Variants in ADGRL2 observed in about 807,000 individuals in gnomAD.
The protein encoded by ADGRL2 is adhesion G protein-coupled receptor L2.
ADGRL2 carries 44 observed loss-of-function variants against 157.4 expected under a neutral mutation model. The ratio of observed to expected loss-of-function variants is 0.28; its 90% CI spans 0.22 to 0.36. ADGRL2 has a LOEUF of 0.36. Ranked by LOEUF, ADGRL2 falls within the 10% of genes least tolerant of loss-of-function variation. The pLI, the probability that ADGRL2 is intolerant of heterozygous loss-of-function variation, is 1.00. For synonymous variants in ADGRL2, 585 were observed against 624.7 expected (o/e 0.94, Z 0.95); for missense variants, 1,510 against 1,768.9 (o/e 0.85, Z 2.63).
At position 81,737,341 on chromosome 1, in the gene ADGRL2, G is replaced by A. The variant is rs190921653; in HGVS notation, c.-142-24470G>A. ...GCAGAAGGGTGAAGAGGAAGCAGGCGTGTCTTCACATGGTGGCAGGAGAAA... is the reference window on the plus strand; with the variant it reads ...GCAGAAGGGTGAAGAGGAAGCAGGCATGTCTTCACATGGTGGCAGGAGAAA... On this transcript the variant is annotated intron_variant, in intron 1 of 20. Transcript: ENST00000359929. 7.2e-3 allele frequency among the ~76,000 whole-genome samples: 1,099 copies of A among 152,322 alleles called. 13 individuals are homozygous for A. Among genetic ancestry groups the A allele is most frequent in the African/African-American group, 0.025 (1,047 of 41,572 alleles).
intron 1 of ADGRL2, among the ~76,000 whole-genome samples, chr1:81,804,602 C>T (rs2088831609): frequency 6.6e-6 from 1 of 152,198 alleles, no homozygotes; most frequent in Non-Finnish European, 1.5e-5. Flanking sequence ...AAAACATTGT[C>T]TATTGCTGTG....
In ADGRL2 at chr1:81,542,921, A is replaced by G. The variant is rs540260011; in HGVS notation, c.-247-37955A>G. ...TCTATGGGAAACTGGTGTCTTTGGA[A>G]ATCTTAACAGATGTCTGCCAACAAC... is the stretch of plus-strand genomic sequence containing the variant. On this transcript the variant is annotated intron_variant, in intron 2 of 24. Coordinates refer to the ADGRL2 transcript ENST00000370721. 6.8e-4 allele frequency among the ~76,000 whole-genome samples: 104 copies of G among 152,236 alleles called. 1 individual carries two copies. Among genetic ancestry groups the G allele is most frequent in the South Asian group, 1.2e-3 (6 of 4,826 alleles).
intron 2 of ADGRL2, among the ~76,000 whole-genome samples, chr1:81,446,566 A>C (rs1041468970): frequency 2.6e-5 from 4 of 152,306 alleles, no homozygotes; most frequent in African/African-American, 9.6e-5. Context: ...TAGCAAAAAC[A>C]TATTTCTCAA....
intron 3 of ADGRL2, among the ~76,000 whole-genome samples, chr1:81,594,629 C>T (rs1055525176): frequency 3.9e-5 from 6 of 152,104 alleles, no homozygotes; most frequent in African/African-American, 7.2e-5. Flanking sequence ...CAAATCACAA[C>T]GTAGTTAGAA....
At chr1:81,582,811 T>G (rs996474968) in intron 3 of ADGRL2, among the ~76,000 whole-genome samples, 1 of 152,166 alleles carries the variant, frequency 6.6e-6, no homozygotes, top group Admixed American at 6.6e-5. Context: ...ATAGTGTGCT[T>G]TCAAAGACAC....
At chr1:81,634,712 G>T (rs1167892908) in intron 3 of ADGRL2, among the ~76,000 whole-genome samples, 1 of 151,760 alleles carries the variant, frequency 6.6e-6, no homozygotes, top group African/African-American at 2.4e-5. Context: ...TAGTAGAGAC[G>T]GGGTTTCACC....
chr1:81,635,056 A>C (rs1164623290), intron 3 of ADGRL2, among the ~76,000 whole-genome samples: 1 of 152,168 alleles, frequency 6.6e-6, no homozygotes, highest in Non-Finnish European at 1.5e-5. Context: ...GAGATAGGGG[A>C]GAAGGCAGAT....
intron 1 of ADGRL2, among the ~76,000 whole-genome samples, chr1:81,402,948 A>G (rs574918197): frequency 3.9e-5 from 6 of 152,218 alleles, no homozygotes; most frequent in Non-Finnish European, 5.9e-5. Flanking sequence ...GAATAAGCAA[A>G]CTACATATAA....
intron 1 of ADGRL2, among the ~76,000 whole-genome samples, chr1:81,412,001 C>G (rs2076954297): frequency 6.6e-6 from 1 of 151,920 alleles, no homozygotes; most frequent in African/African-American, 2.4e-5. Flanking sequence ...TCAGTAAGAT[C>G]ATTTTAACCA....
chr1:81,807,673 A>G (rs1301339680), intron 1 of ADGRL2, among the ~76,000 whole-genome samples: 1 of 151,900 alleles, frequency 6.6e-6, no homozygotes, highest in African/African-American at 2.4e-5. Context: ...GGGTCTGTCA[A>G]CCCTAAATTT....
chr1:81,769,585 A>G (rs1333189445), intron 2 of ADGRL2, among the ~76,000 whole-genome samples: 4 of 151,430 alleles, frequency 2.6e-5, no homozygotes, highest in Non-Finnish European at 5.9e-5. Flanking sequence ...CTAAATTATT[A>G]TAATTATATA....
rs965623053 is a variant in ADGRL2 at position 81,394,126 on chromosome 1, C to T, written c.-301-50910C>T. Among the ~76,000 whole-genome samples the T allele has an allele frequency of 9.9e-5, 15 of 152,068 alleles. No homozygotes were observed. In the East Asian group the frequency reaches 2.9e-3, roughly 29 times the overall value. On this transcript the variant is annotated intron_variant, in intron 1 of 24. Transcript: ENST00000370721. ...AGTTTGAGTAGCTCTACACTTTCTC[C>T]TATCAAAAATAATGGGTGCCATAGA...
At chr1:81,340,422 C>T (rs1016087819) in intron 1 of ADGRL2, among the ~76,000 whole-genome samples, 6 of 152,022 alleles carry the variant, frequency 3.9e-5, no homozygotes, top group African/African-American at 7.2e-5. Flanking sequence ...TCAGTGCTTC[C>T]GGTACAGAAG....
intron 1 of ADGRL2, among the ~76,000 whole-genome samples, chr1:81,826,565 T>C (rs1342131): frequency 0.4 from 60,658 of 151,978 alleles, 12,621 homozygotes; most frequent in Middle Eastern, 0.6. Flanking sequence ...CAGAGAAGTA[T>C]TAACTGTGCT....
intron 3 of ADGRL2, among the ~76,000 whole-genome samples, chr1:81,694,494 G>A (rs906650442): frequency 6.6e-6 from 1 of 151,640 alleles, no homozygotes; most frequent in African/African-American, 2.4e-5. Context: ...TCTAGTATAA[G>A]CCCGTACACT....
chr1:81,704,235 A>G (rs890030780), intron 1 of ADGRL2, among the ~76,000 whole-genome samples: 2 of 152,232 alleles, frequency 1.3e-5, no homozygotes, highest in African/African-American at 4.8e-5. Context: ...CTTGGCAAAA[A>G]GAGAAGGCCC....
At chr1:81,633,512 C>G (rs1181892760) in intron 3 of ADGRL2, among the ~76,000 whole-genome samples, 2 of 142,308 alleles carry the variant, frequency 1.4e-5, no homozygotes, top group African/African-American at 5.2e-5. Flanking sequence ...AGGAGAATCA[C>G]TTGAACTGGG....
chr1:81,947,094 T>C (rs1650134491), intron 6 of ADGRL2, among the ~76,000 whole-genome samples: 1 of 152,166 alleles, frequency 6.6e-6, no homozygotes, highest in Non-Finnish European at 1.5e-5. Context: ...TGATAAATGG[T>C]AGGTAGAATC....
chr1:81,361,215 C>A (rs748927267), intron 1 of ADGRL2, among the ~76,000 whole-genome samples: 2 of 151,836 alleles, frequency 1.3e-5, no homozygotes, highest in Non-Finnish European at 2.9e-5. Context: ...CTCTGAGTGG[C>A]GATCCATTGA....
Sources: gnomAD v4.1 joint callset for allele counts (sites outside exome capture counted in the v4.1 genomes callset) on GRCh38, gnomAD v4.1.1 for gene constraint, MANE v1.5 for transcripts, NCBI Gene and HGNC (gene_info 2026-07-23, HGNC 2026-07-21) for gene names.